SRRM3: variants seen among roughly 807,000 people sequenced by gnomAD.
The protein encoded by SRRM3 is serine/arginine repetitive matrix protein 3.
Under a neutral mutation model 66.2 loss-of-function variants are expected in SRRM3, and 27 were observed. That is an observed-to-expected ratio of 0.41 (90% CI 0.30 to 0.56). The LOEUF is 0.56. Ranked by LOEUF, SRRM3 falls within the 20% of genes least tolerant of loss-of-function variation. SRRM3 has a pLI of 0.32. For missense variants in SRRM3, 918 were observed against 991.9 expected, an observed-to-expected ratio of 0.93 and a Z score of 1.00; for synonymous variants, 391 against 414.9, an observed-to-expected ratio of 0.94 and a Z score of 0.70.
chr7:76,250,637 T>C (rs1456717694), intron 3 of SRRM3, among the ~76,000 whole-genome samples: 1 of 151,892 alleles, frequency 6.6e-6, no homozygotes, highest in Non-Finnish European at 1.5e-5. Context: ...TAGTGAGGGG[T>C]AAAGTATTTC....
At chr7:76,215,394 GTTTTTTT>G (rs1170079332) in intron 1 of SRRM3, among the ~76,000 whole-genome samples, 3 of 95,112 alleles carry the variant, frequency 3.2e-5, no homozygotes, top group African/African-American at 9.1e-5. Context: ...GGAGCCCGCA[GTTTTTTT>G]TTTTTTTTTT....
chr7:76,236,005 CAAAAAAAAAAA>C (rs1161706465), intron 2 of SRRM3, among the ~76,000 whole-genome samples: 8 of 20,284 alleles, frequency 3.9e-4, no homozygotes, highest in Middle Eastern at 0.028. Context: ...GATTCTGTCT[CAAAAAAAAAAA>C]AAAAAAAAAA....
intron 1 of SRRM3, among the ~76,000 whole-genome samples, chr7:76,229,556 C>G (rs1554604073): frequency 6.6e-6 from 1 of 152,110 alleles, no homozygotes; most frequent in Non-Finnish European, 1.5e-5. Context: ...CCTAAGATAA[C>G]ATGCATTTTT....
intron 8 of SRRM3, among the ~76,000 whole-genome samples, chr7:76,263,069 T>G (rs1197500602): frequency 2.6e-5 from 4 of 152,178 alleles, no homozygotes; most frequent in Non-Finnish European, 5.9e-5. Flanking sequence ...CCCCAATTTT[T>G]CATCTTCCCC....
chr7:76,265,858 A>ATT lies in SRRM3; in HGVS notation c.830+417_830+418dup, dbSNP rs1156687535. ...TATATATATATATATATATATATAT[A>ATT]TTTTTTTTTTTTTTTTTTTTTTTTT... On this transcript the variant is annotated intron_variant, in intron 10 of 14. Transcript: ENST00000611745. Among the ~76,000 whole-genome samples the ATT allele has an allele frequency of 6.0e-3, 50 of 8,368 alleles. 3 individuals are homozygous for ATT. Among genetic ancestry groups the ATT allele is most frequent in the Non-Finnish European group, 6.9e-3 (47 of 6,852 alleles). The allele number at this position is 8,368 out of a possible 152,430, so 5.5% of individuals were successfully genotyped here.
chr7:76,208,891 A>G (rs1158811594), intron 1 of SRRM3, among the ~76,000 whole-genome samples: 2 of 142,348 alleles, frequency 1.4e-5, no homozygotes, highest in Non-Finnish European at 3.1e-5. Flanking sequence ...GGAAGGGAGG[A>G]AGGGAGGGAG....
intron 8 of SRRM3, among the ~76,000 whole-genome samples, chr7:76,262,410 G>A (rs1801897007): frequency 6.6e-6 from 1 of 151,434 alleles, no homozygotes; most frequent in Non-Finnish European, 1.5e-5. Flanking sequence ...AGAGGCTGAG[G>A]CAGGAGAATC....
intron 10 of SRRM3, among the ~76,000 whole-genome samples, chr7:76,266,195 A>ATTTATATATTTAATATATATAAATT (rs1802025559): frequency 1.0e-5 from 1 of 98,816 alleles, no homozygotes; most frequent in South Asian, 2.6e-4. Context: ...ATATATAAAT[A>ATTTATATATTTAATATATATAAATT]TTTATATATT....
intron 3 of SRRM3, among the ~76,000 whole-genome samples, chr7:76,259,605 G>GT (rs1554608226): frequency 6.6e-6 from 1 of 151,962 alleles, no homozygotes; most frequent in Non-Finnish European, 1.5e-5. Context: ...AAAGAGGAGG[G>GT]GGCTTACTGA....
chr7:76,274,731 A>G (rs1487299277), intron 11 of SRRM3, among the ~76,000 whole-genome samples: 1 of 152,212 alleles, frequency 6.6e-6, no homozygotes, highest in Non-Finnish European at 1.5e-5. Context: ...TACTAGAGTC[A>G]GAGGTGGACC....
intron 10 of SRRM3, among the ~76,000 whole-genome samples, chr7:76,265,828 TTATATATATATATATATA>T (rs1167434051): frequency 3.9e-5 from 1 of 25,586 alleles, no homozygotes; most frequent in Non-Finnish European, 5.0e-5. Flanking sequence ...TAATAAATAT[TTATATATATATATATATA>T]TATATATATA....
chr7:76,283,747 G>A, intron 14 of SRRM3: 1 of 1,189,712 alleles, frequency 8.4e-7, no homozygotes, highest in Non-Finnish European at 1.1e-6. Flanking sequence ...GCCCTACACA[G>A]CTGTGGGGCT....
At chr7:76,269,410 AAGAGGCT>A (rs1188596376) in intron 11 of SRRM3, 1 of 152,204 alleles carries the variant, frequency 6.6e-6, no homozygotes, top group Non-Finnish European at 1.5e-5. Flanking sequence ...GAGGAGTCAA[AAGAGGCT>A]AGTTCTTGCT....
In SRRM3 at chr7:76,263,877, C is replaced by CAAAA. The variant is rs781852712; in HGVS notation, c.675-863_675-860dup. Among the ~76,000 whole-genome samples the CAAAA allele has an allele frequency of 1.8e-3, 89 of 49,518 alleles. 9 individuals are homozygous for CAAAA. The highest frequency in any genetic ancestry group is 4.2e-3 in the African/African-American group (70 of 16,612). 32.5% of individuals were successfully genotyped at this position (49,518 alleles called of 152,430 possible). On this transcript the variant is annotated intron_variant, in intron 8 of 14. Coordinates refer to ENST00000611745, the MANE Select transcript of SRRM3 (RefSeq NM_001110199.3). The stretch of plus-strand genomic sequence containing the variant: ...AACAGAGCGGGACTCTGTCTCAAGA[C>CAAAA]AAAAAAAAAAAAAAAAAAAAAAAAA...
Position 76,245,364 on chromosome 7 carries a change from C to G in SRRM3, c.234-2824C>G, listed in dbSNP as rs193066431. ...CTGAGTGGGGAGGGCTGGACCCATG[C>G]TGCCACCATGTCTTCTTTTTAAATT... On this transcript the variant is annotated intron_variant, in intron 2 of 14. Coordinates refer to ENST00000611745, the MANE Select transcript of SRRM3 (RefSeq NM_001110199.3). 3.3e-5 allele frequency among the ~76,000 whole-genome samples: 5 copies of G among 152,282 alleles called. No individual in the cohort carries two copies. The East Asian group carries it at 7.7e-4, about 24-fold the overall frequency.
intron 1 of SRRM3, among the ~76,000 whole-genome samples, chr7:76,212,464 C>CTT (rs1173761653): frequency 2.8e-4 from 27 of 98,078 alleles, no homozygotes; most frequent in East Asian, 9.3e-4. Flanking sequence ...GCAAGGTCTG[C>CTT]TTTTTTTTTT....
intron 3 of SRRM3, among the ~76,000 whole-genome samples, chr7:76,250,590 G>C (rs782522887): frequency 1.3e-5 from 2 of 152,074 alleles, no homozygotes; most frequent in Admixed American, 1.3e-4. Context: ...AATAGGAAAC[G>C]GGGAAACCCT....
intron 1 of SRRM3, among the ~76,000 whole-genome samples, chr7:76,233,941 C>T (rs1347486599): frequency 6.6e-6 from 1 of 152,126 alleles, no homozygotes; most frequent in Non-Finnish European, 1.5e-5. Context: ...ACACTCCCAC[C>T]CCCATCCCAT....
chr7:76,261,502 G>A, intron 7 of SRRM3, 44 bp from the exon 8 acceptor site: 6 of 1,605,878 alleles, frequency 3.7e-6, no homozygotes, highest in Non-Finnish European at 5.1e-6. Context: ...TCTCCCCTGG[G>A]CCACCCCAGG....
Sources: allele counts gnomAD v4.1 joint callset (sites outside exome capture counted in the v4.1 genomes callset), GRCh38; gene constraint gnomAD v4.1.1; transcripts MANE v1.5; gene names NCBI Gene and HGNC (gene_info 2026-07-23, HGNC 2026-07-21).